COL14A1: variants seen among roughly 807,000 people sequenced by gnomAD.
COL14A1 encodes collagen alpha-1(XIV) chain.
COL14A1 carries 136 observed loss-of-function variants against 230.3 expected under a neutral mutation model. The ratio of observed to expected loss-of-function variants is 0.59; its 90% CI spans 0.51 to 0.68. The LOEUF (loss-of-function observed/expected upper bound fraction) is 0.68, where lower values mean the gene tolerates loss of function less well. Ranked by LOEUF, COL14A1 falls within the 30% of genes least tolerant of loss-of-function variation. The pLI is 0.00. For missense variants in COL14A1, 1,976 were observed against 2,215.8 expected, an observed-to-expected ratio of 0.89 and a Z score of 2.17; for synonymous variants, 792 against 784.1, an observed-to-expected ratio of 1.01 and a Z score of -0.17.
At chr8:120,302,626 C>A (rs142591963) in intron 36 of COL14A1, among the ~76,000 whole-genome samples, 1 of 151,948 alleles carries the variant, frequency 6.6e-6, no homozygotes. Flanking sequence ...AGTACCATAC[C>A]GTTTTGATTA....
chr8:120,275,646 A>G (rs1343638425), intron 26 of COL14A1, among the ~76,000 whole-genome samples: 1 of 151,994 alleles, frequency 6.6e-6, no homozygotes, highest in Admixed American at 6.6e-5. Context: ...AAAAAAACAA[A>G]TATCTCATCA....
chr8:120,340,192 G>T (rs1822246430), intron 42 of COL14A1, among the ~76,000 whole-genome samples: 1 of 151,894 alleles, frequency 6.6e-6, no homozygotes, highest in African/African-American at 2.4e-5. Context: ...GCCAGGGTGG[G>T]CTGCTTATAT....
chr8:120,144,891 C>A (rs7846510), intron 1 of COL14A1, among the ~76,000 whole-genome samples: 7,070 of 151,914 alleles, frequency 0.047, 547 homozygotes, highest in African/African-American at 0.16. Flanking sequence ...GGCCATTTTA[C>A]CCATGACACT....
At chr8:120,207,177 A>G (rs1817463492) in intron 10 of COL14A1, 83 bp downstream of exon 10, 1 of 1,148,000 alleles carries the variant, frequency 8.7e-7, no homozygotes, top group Admixed American at 3.1e-5. Flanking sequence ...AGAAATATAA[A>G]TATAAGATTA....
At chr8:120,248,180 C>T (rs116618427) in intron 21 of COL14A1, among the ~76,000 whole-genome samples, 82 of 152,060 alleles carry the variant, frequency 5.4e-4, no homozygotes, top group African/African-American at 1.8e-3. Context: ...TTCTTAGTCT[C>T]CTCAGTTTGG....
intron 45 of COL14A1, among the ~76,000 whole-genome samples, chr8:120,361,811 G>A (rs1159911623): frequency 2.6e-5 from 4 of 151,810 alleles, no homozygotes; most frequent in African/African-American, 4.8e-5. Context: ...TGGTGTGGTC[G>A]GGGGGGCCAT....
chr8:120,132,303 A>G (rs557421264), intron 1 of COL14A1, among the ~76,000 whole-genome samples: 4 of 152,304 alleles, frequency 2.6e-5, no homozygotes, highest in East Asian at 3.9e-4. Context: ...AACACCATTT[A>G]TTGAAGAGGT....
At chr8:120,348,842 A>G (rs192088463) in intron 45 of COL14A1, among the ~76,000 whole-genome samples, 1 of 152,254 alleles carries the variant, frequency 6.6e-6, no homozygotes, top group Non-Finnish European at 1.5e-5. Flanking sequence ...ATGCATATGC[A>G]TGCATGCAAA....
chr8:120,299,739 G>A (rs1053858828), intron 35 of COL14A1, among the ~76,000 whole-genome samples: 3 of 152,024 alleles, frequency 2.0e-5, no homozygotes, highest in African/African-American at 7.2e-5. Context: ...TTTTACTGTT[G>A]TCCAACATTT....
At chr8:120,200,392 T>C (rs998734734) in intron 8 of COL14A1, among the ~76,000 whole-genome samples, 4 of 152,046 alleles carry the variant, frequency 2.6e-5, no homozygotes, top group Non-Finnish European at 5.9e-5. Flanking sequence ...TTATCAAGAA[T>C]ATGGTGCATT....
intron 44 of COL14A1, among the ~76,000 whole-genome samples, chr8:120,343,669 A>T (rs1263867809): frequency 1.3e-5 from 2 of 152,186 alleles, no homozygotes; most frequent in African/African-American, 4.8e-5. Context: ...TGCCCAAACT[A>T]TGTGTGTGTC....
At chr8:120,312,536 GATTCTT>G (rs1394956404) in intron 37 of COL14A1, among the ~76,000 whole-genome samples, 1 of 152,026 alleles carries the variant, frequency 6.6e-6, no homozygotes, top group Non-Finnish European at 1.5e-5. Context: ...TTTCATTTCA[GATTCTT>G]CCCCAGGTTT....
chr8:120,203,912 T>C, intron 9 of COL14A1, 42 bp downstream of exon 9: 3 of 1,590,070 alleles, frequency 1.9e-6, no homozygotes, highest in African/African-American at 1.3e-5. Flanking sequence ...GTCAGTATTA[T>C]GGTGCACAAG....
At chr8:120,232,047 A>C (rs1818289052) in intron 19 of COL14A1, 1 of 154,536 alleles carries the variant, frequency 6.5e-6, no homozygotes, top group South Asian at 2.0e-4. Flanking sequence ...AAGGTCTTCT[A>C]TATGGTATAG....
intron 15 of COL14A1, among the ~76,000 whole-genome samples, 156 bp downstream of exon 15, chr8:120,225,370 A>G (rs967868683): frequency 1.3e-5 from 2 of 152,152 alleles, no homozygotes; most frequent in African/African-American, 4.8e-5. Context: ...TTGGATGACT[A>G]TTATGTGTAG....
intron 22 of COL14A1, among the ~76,000 whole-genome samples, chr8:120,251,374 G>C (rs1307098811): frequency 6.6e-6 from 1 of 152,138 alleles, no homozygotes; most frequent in Non-Finnish European, 1.5e-5. Flanking sequence ...GTCAAAGTTG[G>C]AGCAGGAGGA....
intron 36 of COL14A1, among the ~76,000 whole-genome samples, chr8:120,308,620 G>A (rs1820925240): frequency 2.0e-5 from 3 of 152,184 alleles, no homozygotes; most frequent in Non-Finnish European, 4.4e-5. Context: ...GCAACTAATT[G>A]ATAAAAAGGA....
At chr8:120,151,639 CA>C (rs59123417) in intron 2 of COL14A1, among the ~76,000 whole-genome samples, 22,999 of 77,290 alleles carry the variant, frequency 0.3, 955 homozygotes, top group South Asian at 0.36. Context: ...GACTCCGTCT[CA>C]AAAAAAAAAA....
At chr8:120,358,439 T>C (rs772359591) in intron 45 of COL14A1, among the ~76,000 whole-genome samples, 9 of 152,146 alleles carry the variant, frequency 5.9e-5, no homozygotes, top group Non-Finnish European at 1.2e-4. Flanking sequence ...TGATAACCTC[T>C]TGGCTAGCTT....
Sources: gnomAD v4.1 joint callset for allele counts (sites outside exome capture counted in the v4.1 genomes callset) on GRCh38, gnomAD v4.1.1 for gene constraint, MANE v1.5 for transcripts, NCBI Gene and HGNC (gene_info 2026-07-23, HGNC 2026-07-21) for gene names.